VTI1B: variants seen among roughly 807,000 people sequenced by gnomAD.
VTI1B encodes the protein vesicle transport through interaction with t-SNAREs 1B.
VTI1B carries 18 observed loss-of-function variants against 28.6 expected under a neutral mutation model. The observed-to-expected ratio is 0.63, with a 90% CI of 0.43 to 0.93. The LOEUF is 0.93. Ranked by LOEUF, VTI1B falls within the 40% of genes least tolerant of loss-of-function variation. The pLI is 0.00. For synonymous variants in VTI1B, 100 were observed against 107.9 expected, an observed-to-expected ratio of 0.93 and a Z score of 0.46; for missense variants, 283 against 297.0, an observed-to-expected ratio of 0.95 and a Z score of 0.35.
rs1034666833 is a variant in VTI1B at position 67,674,294 on chromosome 14, G to A, written c.115+81C>T. On this transcript the variant is annotated intron_variant, in intron 1 of 5. Coordinates refer to ENST00000554659, the MANE Select transcript of VTI1B (RefSeq NM_006370.3). ...GCGGAGGGAGGAGACGCGGGCCCGG[G>A]TCTGGGAGGAAGGTGGGAGAATCTT... The A allele has an allele frequency of 3.0e-6, 4 of 1,328,494 alleles. No individual in the cohort carries two copies. In the African/African-American group the frequency reaches 4.5e-5, roughly 15 times the overall value. The allele number at this position is 1,328,494 out of a possible 1,614,324, so 82.3% of individuals were successfully genotyped here.
At chr14:67,654,890 G>A (rs985667502) in intron 4 of VTI1B, among the ~76,000 whole-genome samples, 21 of 151,974 alleles carry the variant, frequency 1.4e-4, no homozygotes, top group African/African-American at 4.6e-4. Context: ...TTAGCCGGGT[G>A]TGGTGGCAGA....
chr14:67,669,436 C>CTTT (rs562106281), intron 1 of VTI1B, among the ~76,000 whole-genome samples: 1 of 144,710 alleles, frequency 6.9e-6, no homozygotes. Context: ...CACTACTCAG[C>CTTT]TTTTTTTTTT....
chr14:67,658,105 T>C (rs1343354373), intron 3 of VTI1B, among the ~76,000 whole-genome samples: 1 of 152,084 alleles, frequency 6.6e-6, no homozygotes, highest in African/African-American at 2.4e-5. Context: ...AGGAAACCAC[T>C]GAATGAGGTT....
intron 1 of VTI1B, among the ~76,000 whole-genome samples, chr14:67,671,761 C>T (rs1329064676): frequency 6.6e-6 from 1 of 152,072 alleles, no homozygotes; most frequent in African/African-American, 2.4e-5. Context: ...TTTCAAGGGC[C>T]TTCTTGCTAC....
rs771175047 is a variant in VTI1B, at chr14:67,649,300, T to C, written c.*2085A>G. 4 of 152,122 alleles carry C rather than the reference T, an allele frequency of 2.6e-5. No individual in the cohort carries two copies. The highest frequency in any genetic ancestry group is 2.6e-4 in the Admixed American group (4 of 15,248). 9.4% of individuals were successfully genotyped at this position (152,122 alleles called of 1,614,324 possible). A position where few individuals can be genotyped will look rare whatever the true frequency, so the allele number is the denominator to read the frequency against. The stretch of plus-strand genomic sequence containing the variant: ...ACTCTGGGAGGCCAAGGCAAGAGGA[T>C]TACTTGACCCCAGGGGTTCAAGACC... On this transcript the variant is annotated 3_prime_UTR_variant, in exon 6 of 6. Transcript: ENST00000554659.
chr14:67,663,186 C>G (rs1484528432), intron 1 of VTI1B: 4 of 1,528,846 alleles, frequency 2.6e-6, no homozygotes, highest in Non-Finnish European at 3.5e-6. Flanking sequence ...AATTACTAAT[C>G]TCCCCTTTGA....
At chr14:67,655,816 T>A (rs1157097064) in intron 4 of VTI1B, among the ~76,000 whole-genome samples, 1 of 152,224 alleles carries the variant, frequency 6.6e-6, no homozygotes, top group Non-Finnish European at 1.5e-5. Flanking sequence ...CTTATTAATT[T>A]CTGTAATCTT....
At chr14:67,667,345 T>A (rs891864805) in intron 1 of VTI1B, among the ~76,000 whole-genome samples, 1 of 152,152 alleles carries the variant, frequency 6.6e-6, no homozygotes, top group African/African-American at 2.4e-5. Flanking sequence ...TGCCTCACTG[T>A]GGCAAAATGG....
intron 3 of VTI1B, among the ~76,000 whole-genome samples, chr14:67,658,910 GATTT>G (rs1423782692): frequency 6.6e-6 from 1 of 152,188 alleles, no homozygotes; most frequent in Non-Finnish European, 1.5e-5. Context: ...CGTGAAACAG[GATTT>G]GTTTAAAATT....
chr14:67,652,965 T>C (rs2037206098), intron 5 of VTI1B, among the ~76,000 whole-genome samples: 1 of 152,122 alleles, frequency 6.6e-6, no homozygotes, highest in African/African-American at 2.4e-5. Flanking sequence ...AATTTTTTTG[T>C]ATTTTTAGTA....
Position 67,660,624 on chromosome 14 carries a change from T to C in VTI1B, c.175-702A>G, listed in dbSNP as rs566644937. 2.8e-4 allele frequency among the ~76,000 whole-genome samples: 43 copies of C among 152,312 alleles called. No homozygotes were observed. The South Asian group carries it at 8.3e-3, about 29-fold the overall frequency. ...TGAAAATCAATTAAGTTTGTCTCCATGTCAGAGAGAACAGGGGCCTACCCA... is the reference window on the plus strand; with the variant it reads ...TGAAAATCAATTAAGTTTGTCTCCACGTCAGAGAGAACAGGGGCCTACCCA... On this transcript the variant is annotated intron_variant, in intron 2 of 5. Coordinates refer to ENST00000554659, the MANE Select transcript of VTI1B (RefSeq NM_006370.3).
rs894299686 is a variant in VTI1B at position 67,653,314 on chromosome 14, T to A, written c.602+123A>T. 1.1e-5 allele frequency: 8 copies of A among 716,258 alleles called. No individual in the cohort carries two copies. The African/African-American group carries it at 1.4e-4, about 13-fold the overall frequency. 44.4% of individuals were successfully genotyped at this position (716,258 alleles called of 1,614,324 possible). A position where few individuals can be genotyped will look rare whatever the true frequency, so the allele number is the denominator to read the frequency against. On this transcript the variant is annotated intron_variant, in intron 5 of 5. Coordinates refer to ENST00000554659, the MANE Select transcript of VTI1B (RefSeq NM_006370.3). ...TTCTGGTCTGCTGGGTGGTACTGAG[T>A]ATACAGGGACTATGCGTCAACTGCT...
At position 67,657,972 on chromosome 14, in the gene VTI1B, C is replaced by T. The variant is rs571708908; in HGVS notation, c.367-1383G>A. 3.0e-4 allele frequency among the ~76,000 whole-genome samples: 46 copies of T among 152,168 alleles called. 1 individual carries two copies. Among genetic ancestry groups the T allele is most frequent in the African/African-American group, 1.1e-3 (45 of 41,512 alleles). ...CCATGTTGGCCAGGCTGGTCTCGAA[C>T]TCCTGACCTCAGGTGATCCACCAGC... On this transcript the variant is annotated intron_variant, in intron 3 of 5. Transcript: ENST00000554659.
At chr14:67,657,598 GCACA>G (rs544102029) in intron 3 of VTI1B, among the ~76,000 whole-genome samples, 2,323 of 112,376 alleles carry the variant, frequency 0.021, 26 homozygotes, top group African/African-American at 0.025. Flanking sequence ...GCGCGCGCGT[GCACA>G]CACACACACA....
intron 4 of VTI1B, among the ~76,000 whole-genome samples, chr14:67,654,535 T>C (rs1422784770): frequency 1.3e-5 from 2 of 152,268 alleles, no homozygotes; most frequent in Admixed American, 6.5e-5. Flanking sequence ...GCCTTGAATG[T>C]AGTACTTTAT....
In VTI1B at chr14:67,661,790, T is replaced by C. The variant is rs374560365; in HGVS notation, c.174+687A>G. 3.0e-4 allele frequency among the ~76,000 whole-genome samples: 45 copies of C among 152,222 alleles called. 1 individual carries two copies. The highest frequency in any genetic ancestry group is 1.1e-3 in the African/African-American group (44 of 41,536). ...CTCAAGTGATCCTCCCACCTTGGCA[T>C]CTCAAAGTGTTGGGATTGCAAGCGT... is the stretch of plus-strand genomic sequence containing the variant. On this transcript the variant is annotated intron_variant, in intron 2 of 5. Coordinates refer to ENST00000554659, the MANE Select transcript of VTI1B (RefSeq NM_006370.3).
chr14:67,659,216 C>T (rs897934597), intron 3 of VTI1B, among the ~76,000 whole-genome samples: 2 of 152,158 alleles, frequency 1.3e-5, no homozygotes, highest in South Asian at 2.1e-4. Context: ...TCTCGAGAAG[C>T]GCCCTGCATT....
At chr14:67,669,051 G>A (rs188863740) in intron 1 of VTI1B, among the ~76,000 whole-genome samples, 2 of 152,036 alleles carry the variant, frequency 1.3e-5, no homozygotes, top group Non-Finnish European at 2.9e-5. Context: ...GTATTCTAAG[G>A]ACTTTACATA....
chr14:67,656,360 G>C (rs749944860), intron 4 of VTI1B, 56 bp downstream of exon 4: 6 of 1,463,168 alleles, frequency 4.1e-6, no homozygotes, highest in Non-Finnish European at 5.5e-6. Flanking sequence ...GTTTCCAGGT[G>C]CAGTGGCCCC....
Sources: allele counts gnomAD v4.1 joint callset (sites outside exome capture counted in the v4.1 genomes callset), GRCh38; gene constraint gnomAD v4.1.1; transcripts MANE v1.5; gene names NCBI Gene and HGNC (gene_info 2026-07-23, HGNC 2026-07-21).